The following XKR6 variants were observed in gnomAD, a reference collection of about 807,000 sequenced individuals.
The protein encoded by XKR6 is XK related 6.
XKR6 carries 22 observed loss-of-function variants against 56.7 expected under a neutral mutation model. The ratio of observed to expected loss-of-function variants is 0.39; its 90% CI spans 0.28 to 0.55. The LOEUF is 0.55. XKR6 is among the 20% of genes least tolerant of loss of function. The probability of loss-of-function intolerance (pLI) is 0.66; values close to 1 mark genes in which losing one functional copy is unlikely to be tolerated. For missense variants in XKR6, 852 were observed against 889.0 expected, an observed-to-expected ratio of 0.96 and a Z score of 0.53; for synonymous variants, 524 against 387.8, an observed-to-expected ratio of 1.35 and a Z score of -4.13.
At chr8:10,942,364 C>T (rs1346044387) in intron 1 of XKR6, among the ~76,000 whole-genome samples, 2 of 152,218 alleles carry the variant, frequency 1.3e-5, no homozygotes, top group Non-Finnish European at 2.9e-5. Flanking sequence ...TATACAGATA[C>T]GTGTGGACAC....
chr8:10,989,288 A>G (rs1273969351), intron 1 of XKR6, among the ~76,000 whole-genome samples: 1 of 152,256 alleles, frequency 6.6e-6, no homozygotes, highest in Admixed American at 6.5e-5. Flanking sequence ...ACATGGGCTA[A>G]TACTTTTCTT....
chr8:11,082,944 G>T (rs1032796434), intron 1 of XKR6, among the ~76,000 whole-genome samples: 3 of 152,216 alleles, frequency 2.0e-5, no homozygotes, highest in Non-Finnish European at 4.4e-5. Flanking sequence ...CTTTATAGCT[G>T]CTGCGGCCAG....
At chr8:11,063,358 T>A (rs1586495048) in intron 1 of XKR6, among the ~76,000 whole-genome samples, 1 of 147,348 alleles carries the variant, frequency 6.8e-6, no homozygotes. Context: ...ATTAGCCAGG[T>A]GTGGTGGTGT....
chr8:10,984,892 A>G (rs543182921), intron 1 of XKR6, among the ~76,000 whole-genome samples: 5 of 151,728 alleles, frequency 3.3e-5, no homozygotes, highest in South Asian at 4.2e-4. Flanking sequence ...GTAATTCATA[A>G]ATTTAATATG....
intron 1 of XKR6, among the ~76,000 whole-genome samples, chr8:11,018,942 C>T (rs1426555469): frequency 6.6e-6 from 1 of 152,190 alleles, no homozygotes; most frequent in Non-Finnish European, 1.5e-5. Context: ...CCACCATGCT[C>T]ATCTGGAGAT....
chr8:10,919,954 C>T (rs775921210), intron 2 of XKR6, among the ~76,000 whole-genome samples: 1 of 152,032 alleles, frequency 6.6e-6, no homozygotes, highest in Non-Finnish European at 1.5e-5. Context: ...CTATTATTTC[C>T]CTTGAGTCTG....
At chr8:11,137,805 T>G in intron 1 of XKR6, 1 of 409,132 alleles carries the variant, frequency 2.4e-6, no homozygotes, top group South Asian at 1.8e-5. Context: ...TCAGGCTTTC[T>G]GAACTGCACC....
intron 1 of XKR6, among the ~76,000 whole-genome samples, chr8:11,005,852 T>G (rs1303334134): frequency 3.4e-5 from 5 of 147,818 alleles, no homozygotes; most frequent in African/African-American, 9.9e-5. Flanking sequence ...CTTTTTTTTT[T>G]TTTTTTTTTG....
Position 10,933,315 on chromosome 8 carries a change from A to G in XKR6, c.765-8485T>C, listed in dbSNP as rs370017287. Among the ~76,000 whole-genome samples the G allele has an allele frequency of 5.9e-4, 59 of 99,790 alleles. No individual in the cohort carries two copies. In the East Asian group the frequency reaches 0.011, roughly 18 times the overall value. 65.5% of individuals were successfully genotyped at this position (99,790 alleles called of 152,430 possible). A position where few individuals can be genotyped will look rare whatever the true frequency, so the allele number is the denominator to read the frequency against. Reference sequence around the variant, plus strand: ...GATATTAGCCCTTTGTCAGATGAGTAGGTTGCGAAAATTTTCTCCCATGTT... The same window carrying G: ...GATATTAGCCCTTTGTCAGATGAGTGGGTTGCGAAAATTTTCTCCCATGTT... On this transcript the variant is annotated intron_variant, in intron 1 of 2. Coordinates refer to ENST00000416569, the MANE Select transcript of XKR6 (RefSeq NM_173683.4).
At chr8:11,197,688 A>G (rs1330306631) in intron 1 of XKR6, among the ~76,000 whole-genome samples, 1 of 152,234 alleles carries the variant, frequency 6.6e-6, no homozygotes, top group Admixed American at 6.5e-5. Context: ...ATGGGGCCAC[A>G]TCATTCTACA....
intron 1 of XKR6, among the ~76,000 whole-genome samples, chr8:11,196,295 C>A (rs1049325718): frequency 3.3e-5 from 5 of 152,100 alleles, no homozygotes; most frequent in South Asian, 2.1e-4. Flanking sequence ...ACCTTTCACA[C>A]GCAACATAAA....
chr8:11,165,110 T>G (rs1223643872), intron 1 of XKR6, among the ~76,000 whole-genome samples: 1 of 142,828 alleles, frequency 7.0e-6, no homozygotes, highest in Non-Finnish European at 1.5e-5. Flanking sequence ...TTTTTTTTTT[T>G]TTTTTTTGAG....
intron 1 of XKR6, among the ~76,000 whole-genome samples, chr8:11,158,269 G>C (rs1048878566): frequency 1.3e-5 from 2 of 152,142 alleles, no homozygotes; most frequent in African/African-American, 2.4e-5. Flanking sequence ...GGAAGGACCA[G>C]GAAAAATTTA....
At chr8:11,085,413 A>T (rs1296956944) in intron 1 of XKR6, among the ~76,000 whole-genome samples, 1 of 151,958 alleles carries the variant, frequency 6.6e-6, no homozygotes, top group Non-Finnish European at 1.5e-5. Context: ...GAGAGTGCCA[A>T]GTGTATGCTT....
At position 10,898,167 on chromosome 8, in the gene XKR6, G is replaced by A; in HGVS notation, c.1711C>T (p.Pro571Ser). The A allele has an allele frequency of 6.2e-7, 1 of 1,614,064 alleles. No homozygotes were observed. The highest frequency in any genetic ancestry group is 1.1e-5 in the South Asian group (1 of 91,078). Residue 571 changes from proline (P) to serine (S), a missense_variant, in exon 3 of 3, where the codon CCT (proline) becomes TCT (serine). Physicochemically the swap from Pro to Ser is moderately conservative, Grantham distance 74. This residue lies in a region of XKR6 where 197 missense variants were observed against 190.9 expected (regional missense o/e 1.03). Coordinates refer to ENST00000416569, the MANE Select transcript of XKR6 (RefSeq NM_173683.4). The surrounding 1 kb of genome is among the most constrained non-coding windows in gnomAD (Gnocchi z 6.6). ...PVFQVRPMGPPTPLGRPYLPE... is the reference protein window; with the variant it reads ...PVFQVRPMGPSTPLGRPYLPE... ...AGGTAAGGACGCCCCAACGGGGTAG[G>A]GGGCCCCATGGGTCTCACTTGGAAA...
intron 1 of XKR6, among the ~76,000 whole-genome samples, chr8:11,004,881 T>C (rs1016315275): frequency 5.9e-5 from 9 of 152,188 alleles, no homozygotes; most frequent in African/African-American, 2.2e-4. Flanking sequence ...TTCTGGCCCA[T>C]GCTACAACAT....
At chr8:11,167,461 G>A (rs1437917398) in intron 1 of XKR6, among the ~76,000 whole-genome samples, 2 of 152,186 alleles carry the variant, frequency 1.3e-5, no homozygotes, top group East Asian at 1.9e-4. Flanking sequence ...AACTCATCCA[G>A]GCTGGAAGTG....
chr8:11,014,756 CT>C (rs1031549036), intron 1 of XKR6, among the ~76,000 whole-genome samples: 28 of 152,250 alleles, frequency 1.8e-4, no homozygotes, highest in African/African-American at 6.0e-4. Context: ...AGAAAAAGCC[CT>C]TTTGGGACCT....
rs148243214 is a variant in XKR6 at position 10,992,023 on chromosome 8, A to G, written c.765-67193T>C. Reference sequence around the variant, plus strand: ...CAACAACAGATGTCATGAGACAGCCATGTGATAGTACAGCAGGAAACAGAC... The same window carrying G: ...CAACAACAGATGTCATGAGACAGCCGTGTGATAGTACAGCAGGAAACAGAC... On this transcript the variant is annotated intron_variant, in intron 1 of 2. Coordinates refer to ENST00000416569, the MANE Select transcript of XKR6 (RefSeq NM_173683.4). 5.2e-3 allele frequency among the ~76,000 whole-genome samples: 790 copies of G among 152,288 alleles called. 6 individuals carry two copies. The highest frequency in any genetic ancestry group is 0.019 in the African/African-American group (771 of 41,552).
Sources: gnomAD v4.1 joint callset for allele counts (sites outside exome capture counted in the v4.1 genomes callset) on GRCh38, gnomAD v4.1.1 for gene constraint, gnomAD v4.1.1 regional missense constraint, Gnocchi (gnomAD v3.1) non-coding constraint, MANE v1.5 for transcripts, NCBI Gene and HGNC (gene_info 2026-07-23, HGNC 2026-07-21) for gene names.